Variants in ZNF37A observed in about 807,000 individuals in gnomAD.
ZNF37A encodes the protein zinc finger protein 37a (KOX 21).
Under a neutral mutation model 12.3 loss-of-function variants are expected in ZNF37A, and 10 were observed. That is an observed-to-expected ratio of 0.82 (90% CI 0.50 to 1.38). The LOEUF (loss-of-function observed/expected upper bound fraction) is 1.38. Ranked by LOEUF, ZNF37A falls within the 40% of genes most tolerant of loss-of-function variation. ZNF37A has a pLI of 0.00. For synonymous variants in ZNF37A, 207 were observed against 223.0 expected (o/e 0.93, Z 0.64); for missense variants, 580 against 651.2 (o/e 0.89, Z 1.19).
In ZNF37A at chr10:38,121,703, T is replaced by C. The variant is rs2069706784; in HGVS notation, c.*2866T>C. 1 of 152,248 alleles carries C rather than the reference T, an allele frequency of 6.6e-6. No homozygotes were observed. The highest frequency in any genetic ancestry group is 1.5e-5 in the Non-Finnish European group (1 of 68,052). The allele number at this position is 152,248 out of a possible 1,614,324, so 9.4% of individuals were successfully genotyped here. A position where few individuals can be genotyped will look rare whatever the true frequency, so the allele number is the denominator to read the frequency against. Reference sequence around the variant, plus strand: ...GAGTGTGGCATTAGAATAGAACTCATATCTTTTAAATATATAGGAACAAAT... The same window carrying C: ...GAGTGTGGCATTAGAATAGAACTCACATCTTTTAAATATATAGGAACAAAT... On this transcript the variant is annotated 3_prime_UTR_variant, in exon 8 of 8. Coordinates refer to ENST00000685332, the MANE Select transcript of ZNF37A (RefSeq NM_001324250.3).
At chr10:38,132,664 T>C (rs1014443880) in intron 7 of ZNF37A, among the ~76,000 whole-genome samples, 13 of 152,172 alleles carry the variant, frequency 8.5e-5, no homozygotes, top group African/African-American at 2.7e-4. Flanking sequence ...GTTCTGACCA[T>C]GTTTATATGG....
chr10:38,142,499 G>A (rs11011461), intron 7 of ZNF37A: 62,470 of 151,838 alleles, frequency 0.41, 13,045 homozygotes, highest in East Asian at 0.5. Context: ...ACATGGGGGT[G>A]TGTACAACAC....
Position 38,118,056 on chromosome 10 carries a change from A to C in ZNF37A, c.905A>C (p.His302Pro), listed in dbSNP as rs541477935. Reference sequence around the variant, plus strand: ...ACAGGGGGAAAACCCTATGAATGTCATGAATGTGGGAAGACCTTCTATAAG... The same window carrying C: ...ACAGGGGGAAAACCCTATGAATGTCCTGAATGTGGGAAGACCTTCTATAAG... ...THTGGKPYECHECGKTFYKNS... is the reference protein window; with the variant it reads ...THTGGKPYECPECGKTFYKNS... The change falls in exon 8 of 8, where the codon CAT becomes CCT. Residue 302 changes from histidine to proline, a missense_variant. Transcript: ENST00000685332. The C allele has an allele frequency of 6.2e-7, 1 of 1,614,152 alleles. No homozygotes were observed. The highest frequency in any genetic ancestry group is 1.3e-5 in the African/African-American group (1 of 75,060).
In ZNF37A at chr10:38,114,871, T is replaced by G. The variant is rs780425673; in HGVS notation, c.132T>G (p.Leu44=). 5.6e-6 allele frequency: 9 copies of G among 1,612,440 alleles called. No individual in the cohort carries two copies. The highest frequency in any genetic ancestry group is 7.6e-6 in the Non-Finnish European group (9 of 1,179,374). ...TGATGCTGGAGAACTACAGCCACCT[T>G]GTCTCAGTAGGTAGGTAGGAATTGT... ...RDVMLENYSH[L]VSVGYCIPKP... The change falls in exon 6 of 8, where the codon CTT becomes CTG. Residue 44 remains leucine, a synonymous_variant. Coordinates refer to ENST00000685332, the MANE Select transcript of ZNF37A (RefSeq NM_001324250.3).
intron 5 of ZNF37A, among the ~76,000 whole-genome samples, chr10:38,113,000 G>T (rs1332362544): frequency 1.3e-5 from 2 of 151,704 alleles, no homozygotes; most frequent in Non-Finnish European, 2.9e-5. Flanking sequence ...TAGAGACAGG[G>T]TTTCACCATG....
rs763239002 is a variant in ZNF37A, at chr10:38,118,432, T to C, written c.1281T>C (p.Thr427=). ...CATTCTCTGAGAAGTCAACCCTTAC[T>C]AAACATCTAAGAACTCACACAGGTG... The part of the protein sequence containing the change: ...GKSFSEKSTL[T]KHLRTHTGEK... Residue 427 remains threonine (T), a synonymous_variant, in exon 8 of 8, where the codon ACT becomes ACC. Transcript: ENST00000685332. 2 of 1,614,002 alleles carry C rather than the reference T, an allele frequency of 1.2e-6. No individual in the cohort carries two copies. Among genetic ancestry groups the C allele is most frequent in the South Asian group, 1.1e-5 (1 of 91,086 alleles).
In ZNF37A at chr10:38,115,284, C is replaced by T. The variant is rs1298104902; in HGVS notation, c.232C>T (p.His78Tyr). The change falls in exon 7 of 8, where the codon CAT becomes TAT. Residue 78 changes from histidine (H) to tyrosine (Y), a missense_variant. His to Tyr is a moderately conservative substitution (Grantham distance 83). Coordinates refer to ENST00000685332, the MANE Select transcript of ZNF37A (RefSeq NM_001324250.3). ...AGAGGAAAAATTTCCAAGCCAGAGT[C>T]ATCTGGGTGAGTTAGTATGTGCCAG... ...ILEEKFPSQS[H>Y]LELINTSRNY... 1.2e-6 allele frequency: 2 copies of T among 1,613,262 alleles called. No individual in the cohort carries two copies. Among genetic ancestry groups the T allele is most frequent in the Admixed American group, 1.7e-5 (1 of 59,838 alleles).
chr10:38,118,077 A>G lies in ZNF37A; in HGVS notation c.926A>G (p.Tyr309Cys), dbSNP rs777996476. The G allele has an allele frequency of 1.7e-5, 28 of 1,613,636 alleles. No individual in the cohort carries two copies. The highest frequency in any genetic ancestry group is 1.6e-4 in the Middle Eastern group (1 of 6,078). The part of the protein sequence containing the change: ...YECHECGKTF[Y>C]KNSDLIKHQR... The stretch of plus-strand genomic sequence containing the variant: ...TGTCATGAATGTGGGAAGACCTTCT[A>G]TAAGAATTCAGACCTCATTAAACAT... The change falls in exon 8 of 8, where the codon TAT becomes TGT. Residue 309 changes from tyrosine to cysteine, a missense_variant. Coordinates refer to ENST00000685332, the MANE Select transcript of ZNF37A (RefSeq NM_001324250.3).
chr10:38,095,997 C>T (rs566382960), intron 4 of ZNF37A, among the ~76,000 whole-genome samples, 193 bp downstream of exon 4: 1 of 151,908 alleles, frequency 6.6e-6, no homozygotes, highest in Non-Finnish European at 1.5e-5. Context: ...CCAGCCTGGC[C>T]AACATGGTGA....
chr10:38,129,319 A>AAAAAAAAAAAAAAAAC, downstream of ZNF37A, among the ~76,000 whole-genome samples: 32 of 116,268 alleles, frequency 2.8e-4, 1 homozygote, highest in African/African-American at 5.4e-4. Flanking sequence ...AAAAAAAAAA[A>AAAAAAAAAAAAAAAAC]AAACTATTAT....
At position 38,099,668 on chromosome 10, in the gene ZNF37A, T is replaced by C. The variant is rs2067406101; in HGVS notation, c.15+3036T>C. On this transcript the variant is annotated intron_variant, in intron 5 of 7. Transcript: ENST00000685332. ...ATGGCTGGAATCTATGGTAATTCTA[T>C]TTTTAATTTCTTGAGGAAACACCAA... is the stretch of plus-strand genomic sequence containing the variant. Among the ~76,000 whole-genome samples, 6 of 152,232 alleles carry C rather than the reference T, an allele frequency of 3.9e-5. No individual in the cohort carries two copies. In the South Asian group the frequency reaches 1.2e-3, roughly 31 times the overall value.
rs772876717 is a variant in ZNF37A, at chr10:38,118,767, CTG to C, written c.1618_1619del (p.Val540ThrfsTer41). The C allele has an allele frequency of 4.3e-6, 7 of 1,612,352 alleles. No homozygotes were observed. Among genetic ancestry groups the C allele is most frequent in the East Asian group, 2.2e-5 (1 of 44,834 alleles). On this transcript the variant is annotated frameshift_variant, in exon 8 of 8. Coordinates refer to ENST00000685332, the MANE Select transcript of ZNF37A (RefSeq NM_001324250.3). LOFTEE classifies it low-confidence loss of function (END_TRUNC). ...TCATTCTATGTTAAGTCAAAACTAA[CTG>C]TACATCAGAGAATACACTTGGGGAG... is the stretch of plus-strand genomic sequence containing the variant.
At position 38,118,188 on chromosome 10, in the gene ZNF37A, A is replaced by G; in HGVS notation, c.1037A>G (p.Gln346Arg). 3 of 1,614,062 alleles carry G rather than the reference A, an allele frequency of 1.9e-6. No individual in the cohort carries two copies. Among genetic ancestry groups the G allele is most frequent in the Non-Finnish European group, 2.5e-6 (3 of 1,179,950 alleles). Residue 346 changes from glutamine (Q) to arginine (R), a missense_variant, in exon 8 of 8, where the codon CAA becomes CGA. Coordinates refer to ENST00000685332, the MANE Select transcript of ZNF37A (RefSeq NM_001324250.3). Reference sequence around the variant, plus strand: ...GAAAAGTCAACCCTTACTCAACATCAAAGAACGCACACAGGGGAGAAACCA... The same window carrying G: ...GAAAAGTCAACCCTTACTCAACATCGAAGAACGCACACAGGGGAGAAACCA... ...FSEKSTLTQH[Q>R]RTHTGEKPYE...
At chr10:38,133,764 G>A (rs552711356) in intron 7 of ZNF37A, among the ~76,000 whole-genome samples, 6 of 152,182 alleles carry the variant, frequency 3.9e-5, no homozygotes, top group African/African-American at 7.2e-5. Context: ...GAATAGTGCC[G>A]CAATAAACAT....
At chr10:38,106,063 G>C (rs974819697) in intron 5 of ZNF37A, among the ~76,000 whole-genome samples, 2 of 152,044 alleles carry the variant, frequency 1.3e-5, no homozygotes, top group Non-Finnish European at 2.9e-5. Flanking sequence ...GCCTGTTCAT[G>C]ATCTTAGGGG....
Position 38,118,537 on chromosome 10 carries a change from A to G in ZNF37A, c.1386A>G (p.Thr462=). ...TCACAGAACATCTGAGAAGACACAC[A>G]GGGGAGAAACCTTTTGGATGTAATG... The part of the protein sequence containing the change: ...SGFTEHLRRH[T]GEKPFGCNEC... Residue 462 remains threonine, a synonymous_variant, in exon 8 of 8, where the codon ACA becomes ACG. Transcript: ENST00000685332. 6.2e-7 allele frequency: 1 copy of G among 1,614,006 alleles called. No homozygotes were observed. The highest frequency in any genetic ancestry group is 1.1e-5 in the South Asian group (1 of 91,078).
In ZNF37A at chr10:38,118,171, A is replaced by G. The variant is rs1481987674; in HGVS notation, c.1020A>G (p.Ser340=). The G allele has an allele frequency of 6.2e-7, 1 of 1,614,048 alleles. No homozygotes were observed. Among genetic ancestry groups the G allele is most frequent in the Non-Finnish European group, 8.5e-7 (1 of 1,179,932 alleles). The change falls in exon 8 of 8, where the codon TCA becomes TCG. Residue 340 remains serine, a synonymous_variant. Coordinates refer to ENST00000685332, the MANE Select transcript of ZNF37A (RefSeq NM_001324250.3). The part of the protein sequence containing the change: ...HECGKSFSEK[S]TLTQHQRTHT... ...GTGGGAAATCCTTCAGTGAAAAGTCAACCCTTACTCAACATCAAAGAACGC... is the reference window on the plus strand; with the variant it reads ...GTGGGAAATCCTTCAGTGAAAAGTCGACCCTTACTCAACATCAAAGAACGC...
downstream of ZNF37A, among the ~76,000 whole-genome samples, chr10:38,129,319 A>AAAAAAAAAAAAAAAAAAAAAAAAATAAAC: frequency 8.6e-6 from 1 of 116,228 alleles, no homozygotes; most frequent in African/African-American, 3.6e-5. Context: ...AAAAAAAAAA[A>AAAAAAAAAAAAAAAAAAAAAAAAATAAAC]AAACTATTAT....
chr10:38,137,239 T>C (rs183839226), intron 7 of ZNF37A: 1 of 152,316 alleles, frequency 6.6e-6, no homozygotes, highest in East Asian at 1.9e-4. Context: ...CTGAACCTTA[T>C]AATGCAGAAA....
Sources: gnomAD v4.1 joint callset for allele counts (sites outside exome capture counted in the v4.1 genomes callset) on GRCh38, gnomAD v4.1.1 for gene constraint, MANE v1.5 for transcripts, NCBI Gene and HGNC (gene_info 2026-07-23, HGNC 2026-07-21) for gene names.